The following ZNF829 variants were observed in gnomAD, a reference collection of about 807,000 sequenced individuals.
The protein encoded by ZNF829 is zinc finger protein 829.
In ZNF829, 25 loss-of-function variants were observed where a neutral mutation model predicts 35.2. The observed-to-expected ratio is 0.71, with a 90% CI of 0.52 to 0.99. The LOEUF (loss-of-function observed/expected upper bound fraction) is 0.99. Among genes scored for constraint, ZNF829 ranks in the 50% least tolerant of loss-of-function variants. ZNF829 has a pLI of 0.00. For missense variants in ZNF829, 417 were observed against 515.3 expected (o/e 0.81, Z 1.85); for synonymous variants, 136 against 163.2 (o/e 0.83, Z 1.27).
At chr19:36,911,289 G>A (rs2073262563) in intron 3 of ZNF829, among the ~76,000 whole-genome samples, 1 of 151,470 alleles carries the variant, frequency 6.6e-6, no homozygotes, top group Non-Finnish European at 1.5e-5. Context: ...TCAGCTCCCT[G>A]CAACCTCTGC....
At chr19:36,905,290 T>C (rs2073206004) in intron 5 of ZNF829, 1 of 152,036 alleles carries the variant, frequency 6.6e-6, no homozygotes. Flanking sequence ...AGCAGACTAG[T>C]GTATAAAATT....
chr19:36,900,653 G>A (rs1463042135), intron 5 of ZNF829, among the ~76,000 whole-genome samples: 1 of 152,020 alleles, frequency 6.6e-6, no homozygotes, highest in Non-Finnish European at 1.5e-5. Context: ...TTCAAGACCA[G>A]CCTGGCCAAC....
chr19:36,899,301 T>C (rs2073140993), intron 5 of ZNF829, among the ~76,000 whole-genome samples: 1 of 151,562 alleles, frequency 6.6e-6, no homozygotes, highest in Non-Finnish European at 1.5e-5. Context: ...TAAAATTAGC[T>C]AGGTATAGTG....
intron 3 of ZNF829, among the ~76,000 whole-genome samples, chr19:36,910,363 G>T (rs1188484688): frequency 6.6e-6 from 1 of 152,162 alleles, no homozygotes; most frequent in Non-Finnish European, 1.5e-5. Context: ...GGGATGACAG[G>T]CGTGAGCCAC....
rs1419106995 is a variant in ZNF829 at position 36,907,941 on chromosome 19, C to T, written c.307G>A (p.Gly103Ser). ...PWMVDRELTRGLCSDLESMCE... is the reference protein window; with the variant it reads ...PWMVDRELTRSLCSDLESMCE... ...ATCTCTTACTTACCTGAACACAGGC[C>T]TCTAGTCAGCTCTCTATCAACCATC... Residue 103 changes from glycine to serine, a missense_variant, in exon 5 of 6, where the codon GGC (glycine) becomes AGC (serine). Coordinates refer to ENST00000391711, the MANE Select transcript of ZNF829 (RefSeq NM_001037232.4). The T allele has an allele frequency of 6.2e-7, 1 of 1,613,924 alleles. No individual in the cohort carries two copies. Among genetic ancestry groups the T allele is most frequent in the Admixed American group, 1.7e-5 (1 of 59,998 alleles).
intron 5 of ZNF829, among the ~76,000 whole-genome samples, chr19:36,896,717 T>C (rs1223513657): frequency 6.6e-6 from 1 of 152,202 alleles, no homozygotes; most frequent in Non-Finnish European, 1.5e-5. Flanking sequence ...AGACCATACG[T>C]TAGGCCATAA....
Position 36,890,431 on chromosome 19 carries a change from G to A in ZNF829, c.*1061C>T, listed in dbSNP as rs1476336495. ...TAGGTCTAGTAGTATCTGTGTTATG[G>A]ATCTGGGTGTTGCAGTGTTGGGTGC... On this transcript the variant is annotated 3_prime_UTR_variant, in exon 6 of 6. Coordinates refer to ENST00000391711, the MANE Select transcript of ZNF829 (RefSeq NM_001037232.4). 1 of 152,130 alleles carries A rather than the reference G, an allele frequency of 6.6e-6. No homozygotes were observed. Among genetic ancestry groups the A allele is most frequent in the Non-Finnish European group, 1.5e-5 (1 of 68,034 alleles). 9.4% of individuals were successfully genotyped at this position (152,130 alleles called of 1,614,324 possible).
At chr19:36,902,072 G>T in intron 5 of ZNF829, 1 of 468,870 alleles carries the variant, frequency 2.1e-6, no homozygotes, top group Non-Finnish European at 3.9e-6. Context: ...CTATGTATCT[G>T]TTACCACTTT....
At chr19:36,898,715 A>C (rs1049656285) in intron 5 of ZNF829, among the ~76,000 whole-genome samples, 1 of 152,196 alleles carries the variant, frequency 6.6e-6, no homozygotes, top group Non-Finnish European at 1.5e-5. Context: ...TTTATAGTCA[A>C]CTGATGGTTG....
chr19:36,891,654 T>C lies in ZNF829; in HGVS notation c.1137A>G (p.Pro379=), dbSNP rs578174327. The change falls in exon 6 of 6, where the codon CCA becomes CCG. Residue 379 remains proline (P), a synonymous_variant. Transcript: ENST00000391711. The part of the protein sequence containing the change: ...QHQRIHTDEK[P]YECNECGKAF... ...CCTTCCCACATTCATTACATTCATA[T>C]GGTTTTTCATCTGTATGGATTCTCT... 1 of 1,612,366 alleles carries C rather than the reference T, an allele frequency of 6.2e-7. No individual in the cohort carries two copies. The highest frequency in any genetic ancestry group is 2.2e-5 in the East Asian group (1 of 44,718).
At chr19:36,905,417 T>C (rs181958130) in intron 5 of ZNF829, 1 of 151,510 alleles carries the variant, frequency 6.6e-6, no homozygotes, top group Admixed American at 6.6e-5. Flanking sequence ...CAAATGACTA[T>C]ATAAGCTAAT....
intron 5 of ZNF829, among the ~76,000 whole-genome samples, chr19:36,900,182 ACACACACACACACAC>A (rs1223251908): frequency 6.6e-6 from 1 of 150,502 alleles, no homozygotes; most frequent in African/African-American, 2.4e-5. Flanking sequence ...ACACACACAC[ACACACACACACACAC>A]AAATTTGCTG....
At position 36,889,804 on chromosome 19, in the gene ZNF829, C is replaced by T. The variant is rs1297460414; in HGVS notation, c.*1688G>A. Reference sequence around the variant, plus strand: ...GATATTTGTTATTGCTTTTCTTCTGCCAGCTTTGGGTTGAGTTTGTTTTGT... The same window carrying T: ...GATATTTGTTATTGCTTTTCTTCTGTCAGCTTTGGGTTGAGTTTGTTTTGT... On this transcript the variant is annotated 3_prime_UTR_variant, in exon 6 of 6. Coordinates refer to ENST00000391711, the MANE Select transcript of ZNF829 (RefSeq NM_001037232.4). 1.3e-5 allele frequency: 2 copies of T among 152,028 alleles called. No individual in the cohort carries two copies. Among genetic ancestry groups the T allele is most frequent in the African/African-American group, 4.8e-5 (2 of 41,396 alleles). 9.4% of individuals were successfully genotyped at this position (152,028 alleles called of 1,614,324 possible). A position where few individuals can be genotyped will look rare whatever the true frequency, so the allele number is the denominator to read the frequency against.
intron 5 of ZNF829, 174 bp downstream of exon 5, chr19:36,907,755 T>C: frequency 3.8e-6 from 2 of 531,192 alleles, no homozygotes; most frequent in Non-Finnish European, 6.6e-6. Context: ...TATAGCATAA[T>C]TGTAGCCAGG....
Position 36,916,261 on chromosome 19 carries a change from T to C in ZNF829, c.-335A>G, listed in dbSNP as rs2073329102. 2 of 324,574 alleles carry C rather than the reference T, an allele frequency of 6.2e-6. No individual in the cohort carries two copies. Among genetic ancestry groups the C allele is most frequent in the East Asian group, 6.6e-5 (1 of 15,148 alleles). The allele number at this position is 324,574 out of a possible 1,614,324, so 20.1% of individuals were successfully genotyped here. ...CCTCCCGGGGAACCCGGCCCAAGCC[T>C]CACCCTCACACAGGAAAGCAGATGT... On this transcript the variant is annotated 5_prime_UTR_variant, in exon 1 of 6. Coordinates refer to ENST00000391711, the MANE Select transcript of ZNF829 (RefSeq NM_001037232.4). This position sits in a 1 kb window ranked among gnomAD's most constrained non-coding sequence, Gnocchi z 5.3.
chr19:36,895,038 G>A (rs886850973), intron 5 of ZNF829, among the ~76,000 whole-genome samples: 1 of 152,106 alleles, frequency 6.6e-6, no homozygotes, highest in African/African-American at 2.4e-5. Flanking sequence ...TCTAAAAAAA[G>A]CAAGAGAAAG....
chr19:36,905,438 T>C (rs889026159), intron 5 of ZNF829: 2 of 152,034 alleles, frequency 1.3e-5, no homozygotes, highest in Non-Finnish European at 2.9e-5. Flanking sequence ...TCTAAATTTT[T>C]TTTTTTTTTC....
intron 5 of ZNF829, among the ~76,000 whole-genome samples, chr19:36,903,503 T>C (rs916987155): frequency 2.0e-5 from 3 of 152,322 alleles, no homozygotes; most frequent in Non-Finnish European, 4.4e-5. Flanking sequence ...CAGTTCTCAA[T>C]TACCTACCTC....
intron 5 of ZNF829, among the ~76,000 whole-genome samples, chr19:36,895,450 G>A (rs1389022639): frequency 6.6e-6 from 1 of 151,674 alleles, no homozygotes; most frequent in Non-Finnish European, 1.5e-5. Flanking sequence ...AATGATAAGA[G>A]GAAAGAAAAA....
Sources: allele counts gnomAD v4.1 joint callset (sites outside exome capture counted in the v4.1 genomes callset), GRCh38; gene constraint gnomAD v4.1.1; non-coding constraint Gnocchi (gnomAD v3.1); transcripts MANE v1.5; gene names NCBI Gene and HGNC (gene_info 2026-07-23, HGNC 2026-07-21).